MAGI3: variants seen among roughly 807,000 people sequenced by gnomAD.
MAGI3 encodes the protein membrane-associated guanylate kinase, WW and PDZ domain-containing protein 3.
MAGI3 carries 43 observed loss-of-function variants against 121.8 expected under a neutral mutation model. The observed-to-expected ratio is 0.35, with a 90% confidence interval of 0.28 to 0.46. MAGI3 has a LOEUF of 0.46. Among genes scored for constraint, MAGI3 ranks in the 20% least tolerant of loss-of-function variants. The probability of loss-of-function intolerance (pLI) is 1.00; values close to 1 mark genes in which losing one functional copy is unlikely to be tolerated. For synonymous variants in MAGI3, 553 were observed against 639.3 expected (o/e 0.86, Z 2.04); for missense variants, 1,547 against 1,797.3 (o/e 0.86, Z 2.52).
chr1:113,561,384 G>A (rs552610672), intron 2 of MAGI3, among the ~76,000 whole-genome samples: 9 of 152,110 alleles, frequency 5.9e-5, no homozygotes, highest in African/African-American at 9.7e-5. Context: ...CTGGCAAACC[G>A]AATCCAACAG....
At chr1:113,541,787 T>TAAGA (rs1659299192) in intron 1 of MAGI3, among the ~76,000 whole-genome samples, 1 of 152,192 alleles carries the variant, frequency 6.6e-6, no homozygotes, top group Non-Finnish European at 1.5e-5. Context: ...GATGTTCTTT[T>TAAGA]AAATTATTGT....
intron 1 of MAGI3, among the ~76,000 whole-genome samples, chr1:113,408,733 C>G (rs1015573885): frequency 2.0e-5 from 3 of 152,178 alleles, no homozygotes; most frequent in African/African-American, 2.4e-5. Flanking sequence ...CCTCCAACAA[C>G]TCTCTCAGCT....
chr1:113,639,091 G>A (rs563147717), intron 9 of MAGI3, among the ~76,000 whole-genome samples: 17 of 152,086 alleles, frequency 1.1e-4, no homozygotes, highest in Non-Finnish European at 2.1e-4. Context: ...TCAGAAAAGC[G>A]CAGTATTCGG....
intron 1 of MAGI3, among the ~76,000 whole-genome samples, chr1:113,432,437 A>G (rs752892547): frequency 5.3e-5 from 8 of 152,184 alleles, no homozygotes; most frequent in Non-Finnish European, 1.0e-4. Flanking sequence ...CCACTATGCT[A>G]TACTTTTTCA....
At chr1:113,610,763 C>G (rs1336073998) in intron 6 of MAGI3, among the ~76,000 whole-genome samples, 14 of 152,016 alleles carry the variant, frequency 9.2e-5, no homozygotes, top group Non-Finnish European at 1.8e-4. Context: ...TGGTAAAACC[C>G]TGTCTACTAA....
At chr1:113,673,683 G>A (rs1388781553) in intron 19 of MAGI3, among the ~76,000 whole-genome samples, 1 of 152,200 alleles carries the variant, frequency 6.6e-6, no homozygotes, top group African/African-American at 2.4e-5. Flanking sequence ...CCATATTGCA[G>A]TTATGCCACT....
chr1:113,585,673 A>G, intron 4 of MAGI3, 77 bp downstream of exon 4: 2 of 1,315,346 alleles, frequency 1.5e-6, no homozygotes, highest in Admixed American at 4.5e-5. Context: ...AAGCACTAAA[A>G]TTTTTTACAA....
Position 113,683,581 on chromosome 1 carries a change from GGAA to G in MAGI3, c.4014_4016del (p.Lys1339del). 6.2e-7 allele frequency: 1 copy of G among 1,613,820 alleles called. No individual in the cohort carries two copies. Among genetic ancestry groups the G allele is most frequent in the African/African-American group, 1.3e-5 (1 of 75,008 alleles). ...GGGAAGGAAAAATCAGACGTCATCA[GGAA>G]AGATGCAAAGCAGAATCAGTTGGAA... On this transcript the variant is annotated inframe_deletion, in exon 21 of 21. Transcript: ENST00000307546.
rs747358049 is a variant in MAGI3 at position 113,642,369 on chromosome 1, A to G, written c.1819A>G (p.Ser607Gly). The G allele has an allele frequency of 2.5e-6, 4 of 1,614,190 alleles. No homozygotes were observed. Among genetic ancestry groups the G allele is most frequent in the Non-Finnish European group, 3.4e-6 (4 of 1,180,032 alleles). Residue 607 changes from serine to glycine, a missense_variant, in exon 10 of 21, where the codon AGT (serine) becomes GGT (glycine). Coordinates refer to ENST00000307546, the MANE Select transcript of MAGI3 (RefSeq NM_001142782.2). ...ACAGAAGGTGAAAATGATACTGGAT[A>G]GTCAGTGGTGTCAAGGCCTTCAGAA... ...TGQKVKMILD[S>G]QWCQGLQKGD...
At chr1:113,516,177 C>T (rs1657889519) in intron 1 of MAGI3, among the ~76,000 whole-genome samples, 1 of 151,946 alleles carries the variant, frequency 6.6e-6, no homozygotes, top group Admixed American at 6.6e-5. Context: ...AATAGACACA[C>T]ATATTTCCTT....
chr1:113,630,348 A>C (rs1651547181), intron 9 of MAGI3, among the ~76,000 whole-genome samples: 1 of 152,104 alleles, frequency 6.6e-6, no homozygotes, highest in Non-Finnish European at 1.5e-5. Flanking sequence ...CTCACCCTTC[A>C]GGACAGTGGG....
chr1:113,667,963 C>T (rs1179981221), intron 16 of MAGI3, among the ~76,000 whole-genome samples: 2 of 152,060 alleles, frequency 1.3e-5, no homozygotes, highest in African/African-American at 4.8e-5. Context: ...TGATTTGTGG[C>T]ACCCAAAAAC....
Position 113,443,950 on chromosome 1 carries a change from G to A in MAGI3, c.316+52601G>A, listed in dbSNP as rs983020620. Reference sequence around the variant, plus strand: ...TATCAGAAGAGGATTTTGGTAAGACGGAGTGGGAAGCATCAGAAGGTCTTA... The same window carrying A: ...TATCAGAAGAGGATTTTGGTAAGACAGAGTGGGAAGCATCAGAAGGTCTTA... On this transcript the variant is annotated intron_variant, in intron 1 of 20. Coordinates refer to ENST00000307546, the MANE Select transcript of MAGI3 (RefSeq NM_001142782.2). 7.2e-5 allele frequency among the ~76,000 whole-genome samples: 11 copies of A among 152,266 alleles called. No homozygotes were observed. The South Asian group carries it at 8.3e-4, about 11-fold the overall frequency.
chr1:113,641,034 ATAT>A (rs1478351952), intron 9 of MAGI3, among the ~76,000 whole-genome samples: 1 of 40,310 alleles, frequency 2.5e-5, no homozygotes, highest in African/African-American at 2.1e-4. Context: ...TATATATGAT[ATAT>A]ATAATATATA....
In MAGI3 at chr1:113,596,817, G is replaced by A. The variant is rs575964559; in HGVS notation, c.1018+2257G>A. ...GAGTATAACAAAAAAAAAAACAGAT[G>A]GTAACTAATCTTGGGGAGGATAGGG... On this transcript the variant is annotated intron_variant, in intron 6 of 20. Coordinates refer to ENST00000307546, the MANE Select transcript of MAGI3 (RefSeq NM_001142782.2). 9.3e-4 allele frequency among the ~76,000 whole-genome samples: 141 copies of A among 151,986 alleles called. 1 individual carries two copies. Among genetic ancestry groups the A allele is most frequent in the African/African-American group, 3.3e-3 (138 of 41,510 alleles).
chr1:113,602,024 A>G (rs1649421845), intron 6 of MAGI3, among the ~76,000 whole-genome samples: 1 of 152,118 alleles, frequency 6.6e-6, no homozygotes, highest in African/African-American at 2.4e-5. Context: ...CTGAACAATG[A>G]GAACACATGG....
chr1:113,606,159 G>T (rs982619954), intron 6 of MAGI3, among the ~76,000 whole-genome samples: 3 of 151,802 alleles, frequency 2.0e-5, no homozygotes, highest in Admixed American at 2.0e-4. Context: ...TAGAGATGGG[G>T]TTTCATCATG....
At chr1:113,454,336 G>A (rs573082699) in intron 1 of MAGI3, among the ~76,000 whole-genome samples, 1 of 152,254 alleles carries the variant, frequency 6.6e-6, no homozygotes, top group South Asian at 2.1e-4. Flanking sequence ...ATAAGAGGCA[G>A]TGCAGCTTAC....
chr1:113,509,950 A>G (rs975456915), intron 1 of MAGI3, among the ~76,000 whole-genome samples: 4 of 151,796 alleles, frequency 2.6e-5, no homozygotes, highest in East Asian at 1.9e-4. Flanking sequence ...CCAGCCTCCC[A>G]GAAGCCTCAG....
Sources: allele counts gnomAD v4.1 joint callset (sites outside exome capture counted in the v4.1 genomes callset), GRCh38; gene constraint gnomAD v4.1.1; transcripts MANE v1.5; gene names NCBI Gene and HGNC (gene_info 2026-07-23, HGNC 2026-07-21).